Variants in CEMIP2 observed in about 807,000 individuals in gnomAD.
The protein encoded by CEMIP2 is cell surface hyaluronidase CEMIP2.
In CEMIP2, 79 loss-of-function variants were observed where a neutral mutation model predicts 146.9. That is an observed-to-expected ratio of 0.54 (90% confidence interval 0.45 to 0.65). The LOEUF is 0.65. Ranked by LOEUF, CEMIP2 falls within the 30% of genes least tolerant of loss-of-function variation. The probability of loss-of-function intolerance (pLI) is 0.00; values close to 1 mark genes in which losing one functional copy is unlikely to be tolerated. For missense variants in CEMIP2, 1,596 were observed against 1,696.2 expected, an observed-to-expected ratio of 0.94 and a Z score of 1.04; for synonymous variants, 601 against 606.3, an observed-to-expected ratio of 0.99 and a Z score of 0.13.
intron 18 of CEMIP2, among the ~76,000 whole-genome samples, chr9:71,704,067 G>T (rs1822654294): frequency 6.6e-6 from 1 of 152,008 alleles, no homozygotes; most frequent in Non-Finnish European, 1.5e-5. Flanking sequence ...TAGCCCCTTG[G>T]ATTGCCTGTG....
chr9:71,752,758 C>G (rs1176817191), intron 1 of CEMIP2, among the ~76,000 whole-genome samples: 3 of 151,970 alleles, frequency 2.0e-5, no homozygotes, highest in African/African-American at 7.3e-5. Flanking sequence ...CCATTAAACA[C>G]AAAATGGTCA....
rs372616019 is a variant in CEMIP2, at chr9:71,698,109, G to A, written c.3473C>T (p.Thr1158Ile). The change falls in exon 20 of 24, where the codon ACA becomes ATA. Residue 1158 changes from threonine to isoleucine, a missense_variant. Coordinates refer to ENST00000377044, the MANE Select transcript of CEMIP2 (RefSeq NM_013390.3). ...GCAGTTACTGATGTCCTTTGAGTCT[G>A]TGGCTGCTTGGATCTTGACTCTTTC... ...GCERVKIQAA[T>I]DSKDISNCMA... is the part of the protein sequence containing the mutation. 2 of 1,614,020 alleles carry A rather than the reference G, an allele frequency of 1.2e-6. No individual in the cohort carries two copies. Among genetic ancestry groups the A allele is most frequent in the Non-Finnish European group, 1.7e-6 (2 of 1,180,036 alleles).
chr9:71,687,619 A>G (rs1822104943), intron 22 of CEMIP2, among the ~76,000 whole-genome samples: 1 of 152,142 alleles, frequency 6.6e-6, no homozygotes, highest in East Asian at 1.9e-4. Flanking sequence ...ATTTGAGCCC[A>G]GGAGTTCAAG....
chr9:71,685,883 A>G (rs1404472570), intron 22 of CEMIP2, 37 bp from the exon 23 acceptor site: 10 of 1,414,140 alleles, frequency 7.1e-6, no homozygotes, highest in South Asian at 1.2e-5. Context: ...GCCAATTTCA[A>G]TCCTTCAGCA....
chr9:71,756,607 G>A (rs1824469638), intron 1 of CEMIP2, among the ~76,000 whole-genome samples: 1 of 151,260 alleles, frequency 6.6e-6, no homozygotes, highest in Non-Finnish European at 1.5e-5. Context: ...CATCCTTGAG[G>A]CTCTGGGCAA....
chr9:71,735,793 C>T (rs62547054), intron 5 of CEMIP2, among the ~76,000 whole-genome samples: 10,763 of 152,156 alleles, frequency 0.071, 542 homozygotes, highest in South Asian at 0.19. Flanking sequence ...AAAAATAATA[C>T]ATAAAATAAC....
At chr9:71,749,550 A>G (rs1035231217) in intron 2 of CEMIP2, among the ~76,000 whole-genome samples, 1 of 152,036 alleles carries the variant, frequency 6.6e-6, no homozygotes, top group Non-Finnish European at 1.5e-5. Context: ...TACTAAAAAT[A>G]CAAAAATTAG....
chr9:71,700,458 G>A (rs573109248), intron 19 of CEMIP2, among the ~76,000 whole-genome samples, 184 bp downstream of exon 19: 2 of 152,174 alleles, frequency 1.3e-5, no homozygotes, highest in East Asian at 1.9e-4. Flanking sequence ...ATCTTCACTC[G>A]ATCCCTACTG....
Position 71,704,596 on chromosome 9 carries a change from T to G in CEMIP2, c.3193A>C (p.Lys1065Gln). 6.2e-7 allele frequency: 1 copy of G among 1,614,108 alleles called. No homozygotes were observed. The highest frequency in any genetic ancestry group is 1.1e-5 in the South Asian group (1 of 91,076). ...TTFLYLVNFN[K>Q]NDWIRVGLCY... ...GAAATAACAGTAACAGAAACATACT[T>G]GTTGAAGTTGACGAGGTATAGAAAT... The change falls in exon 18 of 24, where the codon AAG (lysine) becomes CAG (glutamine). Residue 1065 changes from lysine (K) to glutamine (Q), a missense_variant and splice_region_variant. By Grantham distance (53) the Lys-to-Gln change is moderately conservative. Coordinates refer to ENST00000377044, the MANE Select transcript of CEMIP2 (RefSeq NM_013390.3).
intron 1 of CEMIP2, among the ~76,000 whole-genome samples, chr9:71,754,636 C>T (rs958706941): frequency 3.3e-5 from 5 of 152,134 alleles, no homozygotes; most frequent in Non-Finnish European, 7.4e-5. Context: ...CTAAGTCATT[C>T]ATATTAAAAT....
chr9:71,747,691 A>G (rs565788064), intron 2 of CEMIP2, among the ~76,000 whole-genome samples: 15 of 152,302 alleles, frequency 9.8e-5, no homozygotes, highest in Admixed American at 2.0e-4. Flanking sequence ...GTAGGGTGCT[A>G]CACAAACATA....
chr9:71,733,746 G>A (rs1172251896), intron 6 of CEMIP2, among the ~76,000 whole-genome samples: 1 of 152,190 alleles, frequency 6.6e-6, no homozygotes. Flanking sequence ...ATGAAGCAAT[G>A]TACAAAGGGG....
chr9:71,685,668 G>GT, intron 23 of CEMIP2, 75 bp downstream of exon 23: 1 of 1,235,632 alleles, frequency 8.1e-7, no homozygotes. Context: ...AAATGGTCTG[G>GT]TAGCTGAATT....
At chr9:71,720,241 A>G (rs547250422) in intron 12 of CEMIP2, among the ~76,000 whole-genome samples, 5 of 151,670 alleles carry the variant, frequency 3.3e-5, no homozygotes, top group Admixed American at 2.0e-4. Flanking sequence ...TTGGATTCCT[A>G]TATTTTCACG....
chr9:71,769,039 A>G (rs1463723093), upstream of CEMIP2, among the ~76,000 whole-genome samples: 1 of 151,938 alleles, frequency 6.6e-6, no homozygotes, highest in Non-Finnish European at 1.5e-5. Context: ...GCTCAGCGCC[A>G]CTCGCTGCCG....
At chr9:71,769,243 C>T (rs113110364), upstream of CEMIP2, among the ~76,000 whole-genome samples, 2 of 152,210 alleles carry the variant, frequency 1.3e-5, no homozygotes, top group African/African-American at 4.8e-5. Flanking sequence ...CACTGCGCCC[C>T]CAAAGTCCCC....
At position 71,750,374 on chromosome 9, in the gene CEMIP2, G is replaced by A; in HGVS notation, c.-1C>T. 1 of 1,591,176 alleles carries A rather than the reference G, an allele frequency of 6.3e-7. No homozygotes were observed. The highest frequency in any genetic ancestry group is 8.5e-7 in the Non-Finnish European group (1 of 1,170,052). ...GTCCCCTGGAATCAGTGGCATACAT[G>A]ATACACTGTTACTGTGAAAAGAAAA... is the stretch of plus-strand genomic sequence containing the variant. On this transcript the variant is annotated 5_prime_UTR_variant, in exon 2 of 24. Transcript: ENST00000377044.
At chr9:71,720,290 T>C (rs1823196670) in intron 12 of CEMIP2, among the ~76,000 whole-genome samples, 1 of 152,242 alleles carries the variant, frequency 6.6e-6, no homozygotes, top group South Asian at 2.1e-4. Context: ...GATTAACAGG[T>C]TTTTTTGTTT....
At chr9:71,685,888 T>C (rs1822046806) in intron 22 of CEMIP2, 42 bp from the exon 23 acceptor site, 3 of 1,369,774 alleles carry the variant, frequency 2.2e-6, no homozygotes, top group South Asian at 2.3e-5. Flanking sequence ...TTTCAATCCT[T>C]CAGCATGAGT....
Sources: allele counts gnomAD v4.1 joint callset (sites outside exome capture counted in the v4.1 genomes callset), GRCh38; gene constraint gnomAD v4.1.1; transcripts MANE v1.5; gene names NCBI Gene and HGNC (gene_info 2026-07-23, HGNC 2026-07-21).